The following MYOM3 variants were observed in gnomAD, a reference collection of about 807,000 sequenced individuals.
MYOM3 encodes myomesin-3.
A neutral mutation model predicts 191.7 loss-of-function variants in MYOM3; 155 were observed. The ratio of observed to expected loss-of-function variants is 0.81; its 90% CI spans 0.71 to 0.92. MYOM3 has a LOEUF of 0.92. MYOM3 is among the 40% of genes least tolerant of loss of function. MYOM3 has a pLI of 0.00. For missense variants in MYOM3, 1,889 were observed against 1,890.6 expected (o/e 1.00, Z 0.02); for synonymous variants, 757 against 762.9 (o/e 0.99, Z 0.13).
At chr1:24,100,769 C>T (rs1200916814) in intron 5 of MYOM3, among the ~76,000 whole-genome samples, 3 of 152,056 alleles carry the variant, frequency 2.0e-5, no homozygotes, top group Non-Finnish European at 4.4e-5. Flanking sequence ...CGCCTGTAGT[C>T]CCAGCTACTC....
chr1:24,080,787 T>A (rs1643658885), intron 19 of MYOM3, among the ~76,000 whole-genome samples: 1 of 152,138 alleles, frequency 6.6e-6, no homozygotes. Flanking sequence ...GCCACTGAGG[T>A]AGAGGTTTTG....
chr1:24,086,550 G>C lies in MYOM3; in HGVS notation c.1798+94C>G, dbSNP rs1643749360. On this transcript the variant is annotated intron_variant, in intron 15 of 36. Transcript: ENST00000374434. ...TTCATGATGGGTAGAAGGGAGCGGG[G>C]ACAGGGAAGTGGGCAGGGCTTTGTC... is the stretch of plus-strand genomic sequence containing the variant. 7.0e-6 allele frequency: 9 copies of C among 1,293,194 alleles called. 1 individual carries two copies. Among genetic ancestry groups the C allele is most frequent in the Non-Finnish European group, 6.4e-6 (6 of 937,904 alleles). 80.1% of individuals were successfully genotyped at this position (1,293,194 alleles called of 1,614,324 possible).
In MYOM3 at chr1:24,090,081, G is replaced by A; in HGVS notation, c.1470C>T (p.Ser490=). Reference sequence around the variant, plus strand: ...CCCGCGTACCTTCAAAAGCGTCTGTGCTGATGGTGATCTTGTTTCCCAGAT... The same window carrying A: ...CCCGCGTACCTTCAAAAGCGTCTGTACTGATGGTGATCTTGTTTCCCAGAT... ...PFDLGNKITI[S]TDAFEDTVTI... Residue 490 remains serine, a synonymous_variant, in exon 13 of 37, where the codon AGC becomes AGT. Coordinates refer to ENST00000374434, the MANE Select transcript of MYOM3 (RefSeq NM_152372.4). 1 of 1,614,162 alleles carries A rather than the reference G, an allele frequency of 6.2e-7. No individual in the cohort carries two copies. The highest frequency in any genetic ancestry group is 1.1e-5 in the South Asian group (1 of 91,078).
chr1:24,102,058 G>A (rs981557894), intron 5 of MYOM3, among the ~76,000 whole-genome samples: 8 of 152,056 alleles, frequency 5.3e-5, no homozygotes, highest in Non-Finnish European at 1.0e-4. Flanking sequence ...TGGGATGAAT[G>A]CTTCTCTCTG....
In MYOM3 at chr1:24,062,539, C is replaced by T. The variant is rs116411342; in HGVS notation, c.3771-430G>A. ...GTCTGCTCCACAAGGCTGAGGCATG[C>T]AGCTGGTAAAAAGCACTGGGAAAAC... On this transcript the variant is annotated intron_variant, in intron 32 of 36. Coordinates refer to ENST00000374434, the MANE Select transcript of MYOM3 (RefSeq NM_152372.4). Among the ~76,000 whole-genome samples, 263 of 152,262 alleles carry T rather than the reference C, an allele frequency of 1.7e-3. 3 individuals carry two copies. The highest frequency in any genetic ancestry group is 6.0e-3 in the African/African-American group (251 of 41,526).
chr1:24,099,482 A>C (rs1295639823), intron 6 of MYOM3, among the ~76,000 whole-genome samples, 198 bp downstream of exon 6: 1 of 123,932 alleles, frequency 8.1e-6, no homozygotes, highest in Non-Finnish European at 1.6e-5. Flanking sequence ...GCTCCATTCC[A>C]GACCTGCTTA....
intron 35 of MYOM3, among the ~76,000 whole-genome samples, chr1:24,060,721 G>A (rs1167132289): frequency 1.3e-5 from 2 of 152,188 alleles, no homozygotes; most frequent in Admixed American, 6.5e-5. Context: ...TACCTCGAGA[G>A]CCATAGCTTC....
At position 24,101,403 on chromosome 1, in the gene MYOM3, G is replaced by C. The variant is rs1473775320; in HGVS notation, c.561-1628C>G. Among the ~76,000 whole-genome samples, 3 of 152,166 alleles carry C rather than the reference G, an allele frequency of 2.0e-5. No individual in the cohort carries two copies. The East Asian group carries it at 5.8e-4, about 29-fold the overall frequency. ...TCAATGAAATCAGAATTTCGGGGGG[G>C]TTAGACCCTAGGATCAGTATATTGA... On this transcript the variant is annotated intron_variant, in intron 5 of 36. Transcript: ENST00000374434.
At chr1:24,099,056 C>T (rs1357560384) in intron 6 of MYOM3, among the ~76,000 whole-genome samples, 3 of 152,140 alleles carry the variant, frequency 2.0e-5, no homozygotes, top group African/African-American at 4.8e-5. Context: ...AGGAACTCAG[C>T]GTGTGGCAGC....
intron 11 of MYOM3, among the ~76,000 whole-genome samples, chr1:24,091,456 G>T (rs912520399): frequency 1.3e-5 from 2 of 152,154 alleles, no homozygotes; most frequent in African/African-American, 2.4e-5. Flanking sequence ...TACCCTCTTG[G>T]TACCATTGTT....
Position 24,057,439 on chromosome 1 carries a change from A to C in MYOM3, c.4239T>G (p.Tyr1413Ter), listed in dbSNP as rs1472024628. The C allele has an allele frequency of 6.2e-7, 1 of 1,614,174 alleles. No individual in the cohort carries two copies. Among genetic ancestry groups the C allele is most frequent in the East Asian group, 2.2e-5 (1 of 44,870 alleles). The change falls in exon 37 of 37, where the codon TAT becomes TAG. Residue 1413 changes from tyrosine (Y) to a stop codon, truncating the protein, a stop_gained. Transcript: ENST00000374434. LOFTEE classifies it high-confidence loss of function. ...GRYGVFVKNK[Y>*]GSETGQVTIS... ...TGGTGACCTGGCCCGTCTCGGAGCC[A>C]TACTTGTTCTTGACGAAGACGCCGT...
At chr1:24,070,709 A>C (rs191822093) in intron 25 of MYOM3, among the ~76,000 whole-genome samples, 14 of 152,332 alleles carry the variant, frequency 9.2e-5, no homozygotes, top group Admixed American at 9.1e-4. Context: ...ATCTCTAATT[A>C]AAAAGATAAA....
In MYOM3 at chr1:24,111,932, GTGCACACACACACACACA is replaced by G. The variant is rs2148564776; in HGVS notation, c.-19+81_-19+98del. 1 of 151,546 alleles carries G rather than the reference GTGCACACACACACACACA, an allele frequency of 6.6e-6. No homozygotes were observed. Among genetic ancestry groups the G allele is most frequent in the South Asian group, 2.1e-4 (1 of 4,776 alleles). The allele number at this position is 151,546 out of a possible 1,614,324, so 9.4% of individuals were successfully genotyped here. A position where few individuals can be genotyped will look rare whatever the true frequency, so the allele number is the denominator to read the frequency against. ...CACACATACACACAAACACACACAC[GTGCACACACACACACACA>G]TGCACCCACAGATATCACTCCCCAG... On this transcript the variant is annotated intron_variant, in intron 1 of 36. Transcript: ENST00000374434. The surrounding 1 kb of genome is among the most constrained non-coding windows in gnomAD (Gnocchi z 4.7).
chr1:24,057,540 G>A lies in MYOM3; in HGVS notation c.4138C>T (p.Arg1380Ter), dbSNP rs535152430. 1.4e-5 allele frequency: 23 copies of A among 1,614,148 alleles called. No homozygotes were observed. The highest frequency in any genetic ancestry group is 1.3e-4 in the East Asian group (6 of 44,884). Reference protein sequence around the residue: ...KNDQPVTFLDRYRMEVRGTEV... With the variant: ...KNDQPVTFLD Reference sequence around the variant, plus strand: ...GTCCCCCTCACTTCCATGCGGTATCGGTCAAGGAAGGTGACAGGCTGGTCA... The same window carrying A: ...GTCCCCCTCACTTCCATGCGGTATCAGTCAAGGAAGGTGACAGGCTGGTCA... Residue 1380 changes from arginine (R) to a stop codon, truncating the protein, a stop_gained, in exon 37 of 37, where the codon CGA (arginine) becomes TGA (stop). Transcript: ENST00000374434. LOFTEE classifies it high-confidence loss of function.
rs762828925 is a variant in MYOM3 at position 24,062,034 on chromosome 1, G to T, written c.3846C>A (p.Asp1282Glu). The change falls in exon 33 of 37, where the codon GAC (aspartate) becomes GAA (glutamate). Residue 1282 changes from aspartate (D) to glutamate (E), a missense_variant. Coordinates refer to ENST00000374434, the MANE Select transcript of MYOM3 (RefSeq NM_152372.4). ...TLDEIWLHIL[D>E]PKDSDKGKYT... ...ATTTGCCCTTGTCTGAGTCTTTGGGGTCCAGGATGTGAAGCCAGATCTCAT... is the reference window on the plus strand; with the variant it reads ...ATTTGCCCTTGTCTGAGTCTTTGGGTTCCAGGATGTGAAGCCAGATCTCAT... 7 of 1,614,036 alleles carry T rather than the reference G, an allele frequency of 4.3e-6. No individual in the cohort carries two copies. In the East Asian group the frequency reaches 1.6e-4, roughly 36 times the overall value.
intron 22 of MYOM3, among the ~76,000 whole-genome samples, chr1:24,074,582 G>A (rs1643574000): frequency 6.6e-6 from 1 of 152,302 alleles, no homozygotes; most frequent in Middle Eastern, 3.4e-3. Context: ...AGCCGCTGGG[G>A]GAGGATGAGA....
chr1:24,061,335 G>A (rs1461838038), intron 33 of MYOM3, 26 bp from the exon 34 acceptor site: 2 of 1,611,678 alleles, frequency 1.2e-6, no homozygotes, highest in Non-Finnish European at 1.7e-6. Context: ...AGGAGAATGG[G>A]GGCCATCAGG....
At chr1:24,110,755 G>A (rs1317804517) in intron 1 of MYOM3, among the ~76,000 whole-genome samples, 3 of 152,140 alleles carry the variant, frequency 2.0e-5, no homozygotes, top group South Asian at 4.1e-4. Context: ...ACTCCCTCCC[G>A]ATGGAAGAAG....
At chr1:24,076,316 C>T (rs761479766) in intron 20 of MYOM3, 43 bp from the exon 21 acceptor site, 1 of 1,462,512 alleles carries the variant, frequency 6.8e-7, no homozygotes, top group Admixed American at 1.7e-5. Flanking sequence ...ACAGCAGTGA[C>T]TCTTCCTGAA....
Sources: allele counts gnomAD v4.1 joint callset (sites outside exome capture counted in the v4.1 genomes callset), GRCh38; gene constraint gnomAD v4.1.1; non-coding constraint Gnocchi (gnomAD v3.1); transcripts MANE v1.5; gene names NCBI Gene and HGNC (gene_info 2026-07-23, HGNC 2026-07-21).